The following MEIS1 variants were observed in gnomAD, a reference collection of about 807,000 sequenced individuals.
MEIS1 encodes homeobox protein Meis1.
Under a neutral mutation model 50.8 loss-of-function variants are expected in MEIS1, and 5 were observed. That is an observed-to-expected ratio of 0.10 (90% confidence interval 0.05 to 0.21). The LOEUF (loss-of-function observed/expected upper bound fraction) is 0.21. Among genes scored for constraint, MEIS1 ranks in the 10% least tolerant of loss-of-function variants. MEIS1 has a pLI of 1.00. For missense variants in MEIS1, 318 were observed against 517.3 expected, an observed-to-expected ratio of 0.61 and a Z score of 3.74; for synonymous variants, 176 against 179.3, an observed-to-expected ratio of 0.98 and a Z score of 0.15.
At chr2:66,563,005 C>T (rs2103965133) in intron 9 of MEIS1, among the ~76,000 whole-genome samples, 1 of 152,206 alleles carries the variant, frequency 6.6e-6, no homozygotes, top group East Asian at 1.9e-4. Context: ...CAATGTATGG[C>T]AAATTTGAAT....
At chr2:66,438,457 A>G (rs1315637084) in intron 2 of MEIS1, among the ~76,000 whole-genome samples, 1 of 152,254 alleles carries the variant, frequency 6.6e-6, no homozygotes, top group Non-Finnish European at 1.5e-5. Context: ...GGACAGTTGC[A>G]GGTCAAGCAA....
At chr2:66,467,644 T>C (rs1040721377) in intron 7 of MEIS1, among the ~76,000 whole-genome samples, 2 of 152,124 alleles carry the variant, frequency 1.3e-5, no homozygotes, top group African/African-American at 4.8e-5. Flanking sequence ...AAAGAGAATG[T>C]ACATAAGATG....
intron 6 of MEIS1, among the ~76,000 whole-genome samples, chr2:66,453,854 G>A (rs1199120627): frequency 6.6e-6 from 1 of 151,794 alleles, no homozygotes; most frequent in African/African-American, 2.4e-5. Flanking sequence ...TGTCTCAATT[G>A]TGTGTTCTCT....
chr2:66,520,351 G>A (rs2103870646), intron 8 of MEIS1, among the ~76,000 whole-genome samples: 1 of 150,752 alleles, frequency 6.6e-6, no homozygotes, highest in East Asian at 2.0e-4. Flanking sequence ...CTTGGTGGTA[G>A]GCACCTATAG....
intron 7 of MEIS1, among the ~76,000 whole-genome samples, chr2:66,501,362 A>G (rs566675984): frequency 1.8e-4 from 27 of 152,198 alleles, no homozygotes; most frequent in Non-Finnish European, 2.6e-4. Flanking sequence ...ATTTCAGTAT[A>G]TTTTGCAGTG....
At position 66,506,321 on chromosome 2, in the gene MEIS1, G is replaced by T. The variant is rs565171433; in HGVS notation, c.743-5828G>T. 1.1e-4 allele frequency among the ~76,000 whole-genome samples: 16 copies of T among 152,304 alleles called. No homozygotes were observed. In the South Asian group the frequency reaches 2.9e-3, roughly 28 times the overall value. ...ATGGCCATTGAGCTGAGCTGTAAAG[G>T]TCACCAGGAAGTTTGTCATGTTGTT... On this transcript the variant is annotated intron_variant, in intron 7 of 12. Coordinates refer to ENST00000272369, the MANE Select transcript of MEIS1 (RefSeq NM_002398.3).
At chr2:66,539,353 A>T (rs1334175882) in intron 8 of MEIS1, among the ~76,000 whole-genome samples, 1 of 152,226 alleles carries the variant, frequency 6.6e-6, no homozygotes, top group Non-Finnish European at 1.5e-5. Flanking sequence ...GTACACACAC[A>T]TACGTTAAGA....
chr2:66,437,079 C>A, intron 1 of MEIS1: 2 of 465,098 alleles, frequency 4.3e-6, no homozygotes, highest in Non-Finnish European at 5.6e-6. Context: ...ATTCTAAATT[C>A]AGCTCTGATG....
At chr2:66,501,252 C>T (rs952889284) in intron 7 of MEIS1, among the ~76,000 whole-genome samples, 1 of 152,108 alleles carries the variant, frequency 6.6e-6, no homozygotes, top group Admixed American at 6.5e-5. Context: ...TACCTTTGCA[C>T]TTGAAAGTGC....
At chr2:66,482,345 A>G (rs141862494) in intron 7 of MEIS1, among the ~76,000 whole-genome samples, 3,165 of 152,222 alleles carry the variant, frequency 0.021, 41 homozygotes, top group Middle Eastern at 0.075. Flanking sequence ...TGGTGTCTCT[A>G]TTTCATAGGT....
intron 7 of MEIS1, among the ~76,000 whole-genome samples, chr2:66,482,477 T>C (rs1386966987): frequency 6.6e-6 from 1 of 152,200 alleles, no homozygotes; most frequent in African/African-American, 2.4e-5. Flanking sequence ...GTAACTGATA[T>C]CTTTTTGGTT....
intron 7 of MEIS1, among the ~76,000 whole-genome samples, chr2:66,467,071 A>G (rs573127650): frequency 3.3e-5 from 5 of 152,304 alleles, no homozygotes; most frequent in African/African-American, 7.2e-5. Flanking sequence ...GGCTATATAT[A>G]TATACATCTC....
At chr2:66,558,412 T>C (rs1445824870) in intron 9 of MEIS1, among the ~76,000 whole-genome samples, 1 of 152,192 alleles carries the variant, frequency 6.6e-6, no homozygotes, top group Non-Finnish European at 1.5e-5. Context: ...ATAAGCATTT[T>C]CAAAGATTTG....
At position 66,453,467 on chromosome 2, in the gene MEIS1, G is replaced by A. The variant is rs148407938; in HGVS notation, c.630+10419G>A. Among the ~76,000 whole-genome samples, 536 of 151,956 alleles carry A rather than the reference G, an allele frequency of 3.5e-3. 3 individuals carry two copies. The highest frequency in any genetic ancestry group is 0.012 in the African/African-American group (511 of 41,488). ...ATCTTGAAATATAGAAAACTTGACCGTTGTAGGAACCAGAAACTCAAATTA... is the reference window on the plus strand; with the variant it reads ...ATCTTGAAATATAGAAAACTTGACCATTGTAGGAACCAGAAACTCAAATTA... On this transcript the variant is annotated intron_variant, in intron 6 of 12. Transcript: ENST00000272369.
chr2:66,523,081 T>A (rs993074997), intron 8 of MEIS1, among the ~76,000 whole-genome samples: 7 of 152,234 alleles, frequency 4.6e-5, no homozygotes, highest in Non-Finnish European at 1.0e-4. Flanking sequence ...GTTTCCTAAT[T>A]CGTTTTTACA....
chr2:66,553,401 A>G (rs964687008), intron 9 of MEIS1, among the ~76,000 whole-genome samples: 1 of 152,206 alleles, frequency 6.6e-6, no homozygotes, highest in African/African-American at 2.4e-5. Context: ...TTGAGTGTCA[A>G]TTCTAATAAT....
At chr2:66,466,956 G>A (rs921646018) in intron 7 of MEIS1, among the ~76,000 whole-genome samples, 65 of 138,886 alleles carry the variant, frequency 4.7e-4, no homozygotes, top group Middle Eastern at 3.8e-3. Context: ...AAAAAAAAAA[G>A]AAAAGAAAGA....
intron 9 of MEIS1, among the ~76,000 whole-genome samples, chr2:66,559,019 A>G (rs910695683): frequency 1.3e-5 from 2 of 151,920 alleles, no homozygotes; most frequent in Non-Finnish European, 2.9e-5. Flanking sequence ...GTGGGTGCCT[A>G]TAATCTCAGC....
At chr2:66,532,237 G>T (rs922770383) in intron 8 of MEIS1, among the ~76,000 whole-genome samples, 1 of 152,068 alleles carries the variant, frequency 6.6e-6, no homozygotes, top group African/African-American at 2.4e-5. Context: ...ATTAAACCCC[G>T]TAGGCAGATT....
Sources: allele counts gnomAD v4.1 joint callset (sites outside exome capture counted in the v4.1 genomes callset), GRCh38; gene constraint gnomAD v4.1.1; transcripts MANE v1.5; gene names NCBI Gene and HGNC (gene_info 2026-07-23, HGNC 2026-07-21).